SV2C: variants seen among roughly 807,000 people sequenced by gnomAD.
SV2C encodes the protein synaptic vesicle glycoprotein 2C.
A neutral mutation model predicts 79.7 loss-of-function variants in SV2C; 49 were observed. That is an observed-to-expected ratio of 0.61 (90% confidence interval 0.49 to 0.78). The LOEUF (loss-of-function observed/expected upper bound fraction) is 0.78, where lower values mean the gene tolerates loss of function less well. SV2C is among the 30% of genes least tolerant of loss of function. The pLI, the probability that SV2C is intolerant of heterozygous loss-of-function variation, is 0.00. For missense variants in SV2C, 833 were observed against 912.9 expected (o/e 0.91, Z 1.13); for synonymous variants, 334 against 333.2 (o/e 1.00, Z -0.03).
At chr5:76,115,891 G>T (rs1218571320) in intron 1 of SV2C, among the ~76,000 whole-genome samples, 2 of 152,158 alleles carry the variant, frequency 1.3e-5, no homozygotes, top group Non-Finnish European at 2.9e-5. Flanking sequence ...TCAGCCACTT[G>T]GCCTCATTGC....
At chr5:76,179,755 T>G (rs1743661991) in intron 2 of SV2C, among the ~76,000 whole-genome samples, 1 of 152,218 alleles carries the variant, frequency 6.6e-6, no homozygotes, top group Non-Finnish European at 1.5e-5. Context: ...TAGTGCAAGG[T>G]AGATCCCGCT....
At chr5:75,955,988 C>T in the SV2C span, among the ~76,000 whole-genome samples, 8 of 149,624 alleles carry the variant, frequency 5.3e-5, no homozygotes, top group Non-Finnish European at 1.0e-4. Flanking sequence ...GTCAGTGTGG[C>T]GATTCCTCAG....
At chr5:76,083,534 G>T (rs1168625224) in intron 1 of SV2C, 22 bp downstream of exon 1, 1 of 152,374 alleles carries the variant, frequency 6.6e-6, no homozygotes, top group Non-Finnish European at 1.5e-5. Flanking sequence ...AGGTGAAGCG[G>T]GCATCCGCGG....
chr5:76,152,447 A>T (rs982504454), intron 2 of SV2C, among the ~76,000 whole-genome samples: 9 of 152,204 alleles, frequency 5.9e-5, no homozygotes, highest in African/African-American at 2.2e-4. Flanking sequence ...GTATGTATAT[A>T]TAGGAGATAC....
At chr5:76,285,570 C>T (rs1277556602) in intron 5 of SV2C, 1 of 608,678 alleles carries the variant, frequency 1.6e-6, no homozygotes, top group Non-Finnish European at 2.8e-6. Context: ...ATTTTACCAT[C>T]TGGAGATACT....
chr5:76,276,583 C>A (rs960711982), intron 4 of SV2C, among the ~76,000 whole-genome samples: 7 of 151,914 alleles, frequency 4.6e-5, no homozygotes, highest in African/African-American at 1.7e-4. Context: ...CCACTTCAGC[C>A]TCCCAAAGTG....
chr5:76,062,623 GAA>G, the SV2C span, among the ~76,000 whole-genome samples: 2 of 137,476 alleles, frequency 1.5e-5, no homozygotes, highest in Admixed American at 1.5e-4. Context: ...GGTTGTGTCT[GAA>G]AAAAAAAAAA....
the SV2C span, among the ~76,000 whole-genome samples, chr5:76,034,847 T>C: frequency 6.6e-6 from 1 of 152,242 alleles, no homozygotes; most frequent in African/African-American, 2.4e-5. Flanking sequence ...CATGTACCTC[T>C]GGTAGAATTC....
Position 76,329,645 on chromosome 5 carries a change from C to G in SV2C, c.*4098C>G, listed in dbSNP as rs927285469. On this transcript the variant is annotated 3_prime_UTR_variant, in exon 13 of 13. Coordinates refer to ENST00000502798, the MANE Select transcript of SV2C (RefSeq NM_014979.4). ...ACTTTCTAAATGCTGGGGTCATTTC[C>G]AAAGCAGTCCAGGGGAATACTTTCT... is the stretch of plus-strand genomic sequence containing the variant. The G allele has an allele frequency of 1.3e-5, 2 of 152,168 alleles. No homozygotes were observed. Among genetic ancestry groups the G allele is most frequent in the African/African-American group, 2.4e-5 (1 of 41,450 alleles). The allele number at this position is 152,168 out of a possible 1,614,324, so 9.4% of individuals were successfully genotyped here. A position where few individuals can be genotyped will look rare whatever the true frequency, so the allele number is the denominator to read the frequency against.
intron 4 of SV2C, among the ~76,000 whole-genome samples, chr5:76,244,916 A>G (rs1284614997): frequency 6.6e-6 from 1 of 152,242 alleles, no homozygotes; most frequent in Non-Finnish European, 1.5e-5. Flanking sequence ...AAGTGAATAC[A>G]TTCATGAAGA....
At chr5:76,344,130 C>T (rs930405925) in intron 12 of SV2C, among the ~76,000 whole-genome samples, 1 of 152,196 alleles carries the variant, frequency 6.6e-6, no homozygotes. Flanking sequence ...ACACATCCAC[C>T]TGAATTATAT....
the SV2C span, among the ~76,000 whole-genome samples, chr5:75,978,486 T>C: frequency 6.6e-6 from 1 of 152,236 alleles, no homozygotes; most frequent in African/African-American, 2.4e-5. Context: ...ACACTGTTTT[T>C]CACACTTTAT....
the SV2C span, chr5:75,911,393 T>C: frequency 8.7e-7 from 1 of 1,152,898 alleles, no homozygotes; most frequent in East Asian, 2.3e-5. Flanking sequence ...AGAACCTATA[T>C]CCAGAGGACG....
chr5:76,133,028 A>G (rs1748953517), intron 2 of SV2C, among the ~76,000 whole-genome samples: 1 of 152,100 alleles, frequency 6.6e-6, no homozygotes, highest in African/African-American at 2.4e-5. Flanking sequence ...ATATCTATAC[A>G]GCAGATTTGA....
the SV2C span, among the ~76,000 whole-genome samples, chr5:75,903,367 G>GGT: frequency 1.4e-5 from 2 of 138,860 alleles, no homozygotes; most frequent in African/African-American, 5.6e-5. Context: ...ACAAAAAGGT[G>GGT]TTTTTTTTTT....
intron 4 of SV2C, among the ~76,000 whole-genome samples, chr5:76,236,736 A>G (rs560918212): frequency 6.6e-6 from 1 of 152,092 alleles, no homozygotes; most frequent in South Asian, 2.1e-4. Flanking sequence ...TGACCCAAAT[A>G]TTTCCCATTA....
At position 76,265,949 on chromosome 5, in the gene SV2C, T is replaced by A. The variant is rs144502965; in HGVS notation, c.914-19213T>A. The stretch of plus-strand genomic sequence containing the variant: ...TCTTGCCAGATGCCCTCAAGACTGA[T>A]TTTTTTAATCATCACTTTTAAAATC... On this transcript the variant is annotated intron_variant, in intron 4 of 12. Coordinates refer to ENST00000502798, the MANE Select transcript of SV2C (RefSeq NM_014979.4). 3.7e-3 allele frequency among the ~76,000 whole-genome samples: 562 copies of A among 152,236 alleles called. 4 individuals are homozygous for A. The highest frequency in any genetic ancestry group is 0.013 in the African/African-American group (537 of 41,526).
chr5:76,130,125 T>C (rs991134286), intron 1 of SV2C, among the ~76,000 whole-genome samples: 3 of 126,232 alleles, frequency 2.4e-5, no homozygotes, highest in African/African-American at 9.8e-5. Context: ...TCTTCCTCCC[T>C]TTCTCTTCCT....
chr5:75,942,487 A>G, the SV2C span, among the ~76,000 whole-genome samples: 27,553 of 152,156 alleles, frequency 0.18, 2,582 homozygotes, highest in East Asian at 0.22. Flanking sequence ...GGAAACAGAA[A>G]AGACTGGGGT....
Sources: allele counts gnomAD v4.1 joint callset (sites outside exome capture counted in the v4.1 genomes callset), GRCh38; gene constraint gnomAD v4.1.1; transcripts MANE v1.5; gene names NCBI Gene and HGNC (gene_info 2026-07-23, HGNC 2026-07-21).